TMBIM4: variants seen among roughly 807,000 people sequenced by gnomAD.
TMBIM4 encodes the protein transmembrane BAX inhibitor motif containing 4.
In TMBIM4, 28 loss-of-function variants were observed where a neutral mutation model predicts 27.7. The observed-to-expected ratio is 1.01, with a 90% CI of 0.75 to 1.38. TMBIM4 has a LOEUF of 1.38. Ranked by LOEUF, TMBIM4 falls within the 40% of genes most tolerant of loss-of-function variation. The pLI, the probability that TMBIM4 is intolerant of heterozygous loss-of-function variation, is 0.00. For synonymous variants in TMBIM4, 115 were observed against 113.1 expected (o/e 1.02, Z -0.11); for missense variants, 265 against 277.5 (o/e 0.95, Z 0.32).
chr12:66,141,866 C>T (rs2051674603), intron 5 of TMBIM4, among the ~76,000 whole-genome samples: 2 of 151,962 alleles, frequency 1.3e-5, no homozygotes, highest in African/African-American at 4.8e-5. Context: ...AAGAAATAGA[C>T]CAATCCATAC....
At chr12:66,145,208 G>A (rs2178486) in intron 5 of TMBIM4, 44,850 of 151,960 alleles carry the variant, frequency 0.3, 7,168 homozygotes, top group South Asian at 0.4. Context: ...AGGGGTGGGG[G>A]AGGAAAGAAA....
At chr12:66,149,461 A>AAAG (rs1555199141) in intron 3 of TMBIM4, among the ~76,000 whole-genome samples, 4 of 151,278 alleles carry the variant, frequency 2.6e-5, no homozygotes, top group South Asian at 2.1e-4. Context: ...AAAAAAAAAA[A>AAAG]AAAGAAAGAA....
chr12:66,150,664 C>T (rs918499384), intron 3 of TMBIM4, among the ~76,000 whole-genome samples: 2 of 152,122 alleles, frequency 1.3e-5, no homozygotes, highest in East Asian at 1.9e-4. Context: ...ATGCCTGCCC[C>T]GGCCTCCCAA....
chr12:66,143,402 T>A (rs1592535739), intron 5 of TMBIM4, among the ~76,000 whole-genome samples: 1 of 152,174 alleles, frequency 6.6e-6, no homozygotes, highest in Non-Finnish European at 1.5e-5. Flanking sequence ...GTAAACTGAC[T>A]TTCTAGGAAA....
chr12:66,161,778 T>C (rs1384128811), intron 1 of TMBIM4, among the ~76,000 whole-genome samples: 1 of 152,164 alleles, frequency 6.6e-6, no homozygotes, highest in Admixed American at 6.5e-5. Context: ...AGAATAAAAT[T>C]AATTCTTTCC....
At chr12:66,151,576 A>C (rs938282420) in intron 3 of TMBIM4, among the ~76,000 whole-genome samples, 1 of 152,202 alleles carries the variant, frequency 6.6e-6, no homozygotes, top group African/African-American at 2.4e-5. Flanking sequence ...TTCTGAAGTA[A>C]ATTTTTAGGT....
At chr12:66,142,878 C>A (rs1245306842) in intron 5 of TMBIM4, among the ~76,000 whole-genome samples, 1 of 152,124 alleles carries the variant, frequency 6.6e-6, no homozygotes, top group African/African-American at 2.4e-5. Context: ...ACTAACTGGA[C>A]AAGATCCTAC....
Position 66,169,872 on chromosome 12 carries a change from G to A in TMBIM4, c.80C>T (p.Thr27Ile), listed in dbSNP as rs956708537. The change falls in exon 1 of 7, where the codon ACC (threonine) becomes ATC (isoleucine). Residue 27 changes from threonine to isoleucine, a missense_variant. Transcript: ENST00000358230. Reference protein sequence around the residue: ...FNYGSSVASATVHIRMAFLRK... With the variant: ...FNYGSSVASAIVHIRMAFLRK... Reference sequence around the variant, plus strand: ...CAACGTACCCATTCGGATGTGCACGGTGGCGGAGGCCACGCTGCTGCCATA... The same window carrying A: ...CAACGTACCCATTCGGATGTGCACGATGGCGGAGGCCACGCTGCTGCCATA... 46 of 1,511,034 alleles carry A rather than the reference G, an allele frequency of 3.0e-5. No homozygotes were observed. The highest frequency in any genetic ancestry group is 4.0e-5 in the Non-Finnish European group (45 of 1,130,098). The allele number at this position is 1,511,034 out of a possible 1,614,324, so 93.6% of individuals were successfully genotyped here.
chr12:66,169,995 C>A lies in TMBIM4; in HGVS notation c.-44G>T, dbSNP rs1037355326. ...ACCGGTCCCGGTCCACTAACCGCAACCGCCTCCTCCCCACTTCCGCGAGGA... is the reference window on the plus strand; with the variant it reads ...ACCGGTCCCGGTCCACTAACCGCAAACGCCTCCTCCCCACTTCCGCGAGGA... On this transcript the variant is annotated 5_prime_UTR_variant, in exon 1 of 7. Transcript: ENST00000358230. The A allele has an allele frequency of 3.7e-6, 5 of 1,357,960 alleles. No individual in the cohort carries two copies. The highest frequency in any genetic ancestry group is 3.0e-6 in the Non-Finnish European group (3 of 1,013,220). 84.1% of individuals were successfully genotyped at this position (1,357,960 alleles called of 1,614,324 possible).
At chr12:66,145,271 G>C (rs907893213) in intron 5 of TMBIM4, 1 of 152,156 alleles carries the variant, frequency 6.6e-6, no homozygotes, top group African/African-American at 2.4e-5. Flanking sequence ...AAAAGAAAAC[G>C]GTTGGGTGAC....
chr12:66,164,295 A>G (rs537527273), intron 1 of TMBIM4, among the ~76,000 whole-genome samples: 1 of 152,330 alleles, frequency 6.6e-6, no homozygotes, highest in Admixed American at 6.5e-5. Flanking sequence ...ATAGGGACAT[A>G]AGAACAGAAG....
Position 66,159,946 on chromosome 12 carries a change from T to C in TMBIM4, c.98-6498A>G, listed in dbSNP as rs536328144. On this transcript the variant is annotated intron_variant, in intron 1 of 6. Coordinates refer to ENST00000358230, the MANE Select transcript of TMBIM4 (RefSeq NM_016056.4). The stretch of plus-strand genomic sequence containing the variant: ...CCTTCACTCACATAGCTAAAAGACA[T>C]AGAAATTAACACATGATTACATTTT... 1.5e-3 allele frequency among the ~76,000 whole-genome samples: 227 copies of C among 152,304 alleles called. 1 individual carries two copies. The highest frequency in any genetic ancestry group is 5.3e-3 in the African/African-American group (221 of 41,566).
chr12:66,138,315 A>G, intron 6 of TMBIM4, 149 bp from the exon 7 acceptor site: 1 of 1,425,332 alleles, frequency 7.0e-7, no homozygotes, highest in Middle Eastern at 2.6e-4. Context: ...GAAAAAGGCA[A>G]GGCAAGTCCA....
chr12:66,165,419 CT>C (rs35278988), intron 1 of TMBIM4, among the ~76,000 whole-genome samples: 170 of 137,840 alleles, frequency 1.2e-3, no homozygotes, highest in Middle Eastern at 3.7e-3. Flanking sequence ...ATATATGATC[CT>C]TTTTTTTTTT....
At chr12:66,150,327 T>G (rs2051824425) in intron 3 of TMBIM4, among the ~76,000 whole-genome samples, 1 of 152,198 alleles carries the variant, frequency 6.6e-6, no homozygotes, top group Non-Finnish European at 1.5e-5. Context: ...GCCTACAATG[T>G]GACCTGTGCC....
chr12:66,169,576 C>T, intron 1 of TMBIM4: 1 of 455,820 alleles, frequency 2.2e-6, no homozygotes, highest in Non-Finnish European at 3.9e-6. Context: ...CTTCCTACAC[C>T]GCGGCGCCCG....
chr12:66,163,445 C>G (rs1051674070), intron 1 of TMBIM4, among the ~76,000 whole-genome samples: 2 of 152,010 alleles, frequency 1.3e-5, no homozygotes, highest in Admixed American at 1.3e-4. Flanking sequence ...CGGGGGAAGG[C>G]CTCAGGAAAC....
chr12:66,160,275 T>G (rs1231575047), intron 1 of TMBIM4: 2 of 702,596 alleles, frequency 2.8e-6, no homozygotes, highest in African/African-American at 1.7e-5. Context: ...CCTCATATAT[T>G]GTTTGCTGAA....
Position 66,145,947 on chromosome 12 carries a change from C to T in TMBIM4, c.358G>A (p.Asp120Asn). 1 of 1,531,294 alleles carries T rather than the reference C, an allele frequency of 6.5e-7. No homozygotes were observed. Among genetic ancestry groups the T allele is most frequent in the Non-Finnish European group, 9.0e-7 (1 of 1,113,332 alleles). The allele number at this position is 1,531,294 out of a possible 1,614,324, so 94.9% of individuals were successfully genotyped here. Residue 120 changes from aspartate (D) to asparagine (N), a missense_variant, in exon 5 of 7, where the codon GAT becomes AAT. Physicochemically the swap from Asp to Asn is conservative, Grantham distance 23. Transcript: ENST00000358230. ...AAAGCTTGCAGAATAATATATACAT[C>T]ATAGAAAGTAACTGTAAAATTAAAA... ...LTVAVVVTFY[D>N]VYIILQAFIL...
Sources: gnomAD v4.1 joint callset for allele counts (sites outside exome capture counted in the v4.1 genomes callset) on GRCh38, gnomAD v4.1.1 for gene constraint, MANE v1.5 for transcripts, NCBI Gene and HGNC (gene_info 2026-07-23, HGNC 2026-07-21) for gene names.